Variants in HOOK3 observed in about 807,000 individuals in gnomAD.
The protein encoded by HOOK3 is hook microtubule tethering protein 3, also known as protein Hook homolog 3.
Under a neutral mutation model 116.3 loss-of-function variants are expected in HOOK3, and 24 were observed. The ratio of observed to expected loss-of-function variants is 0.21; its 90% CI spans 0.15 to 0.29. HOOK3 has a LOEUF of 0.29. HOOK3 is among the 10% of genes least tolerant of loss of function. The probability of loss-of-function intolerance (pLI) is 1.00; values close to 1 mark genes in which losing one functional copy is unlikely to be tolerated. For synonymous variants in HOOK3, 275 were observed against 283.0 expected (o/e 0.97, Z 0.28); for missense variants, 632 against 830.2 (o/e 0.76, Z 2.93).
rs1042401050 is a variant in HOOK3 at position 43,019,461 on chromosome 8, A to AT, written c.*969dup. The AT allele has an allele frequency of 3.8e-5, 8 of 208,604 alleles. No homozygotes were observed. The highest frequency in any genetic ancestry group is 3.0e-4 in the Admixed American group (5 of 16,938). 12.9% of individuals were successfully genotyped at this position (208,604 alleles called of 1,614,324 possible). On this transcript the variant is annotated 3_prime_UTR_variant, in exon 22 of 22. Transcript: ENST00000307602. ...CTTGTTCTTTAATATAAACCCTTCCATTTTTTAACAATTCCTAACACTTGA... is the reference window on the plus strand; with the variant it reads ...CTTGTTCTTTAATATAAACCCTTCCATTTTTTTAACAATTCCTAACACTTGA...
intron 3 of HOOK3, among the ~76,000 whole-genome samples, chr8:42,928,821 C>A (rs1807819293): frequency 6.6e-6 from 1 of 152,178 alleles, no homozygotes; most frequent in Non-Finnish European, 1.5e-5. Context: ...GTGGGCGAAT[C>A]ACCTGAGGTC....
rs1287772878 is a variant in HOOK3 at position 43,023,650 on chromosome 8, G to C, written c.*5152G>C. The C allele has an allele frequency of 5.7e-6, 1 of 174,670 alleles. No individual in the cohort carries two copies. The highest frequency in any genetic ancestry group is 1.2e-5 in the Non-Finnish European group (1 of 81,108). The allele number at this position is 174,670 out of a possible 1,614,324, so 10.8% of individuals were successfully genotyped here. On this transcript the variant is annotated 3_prime_UTR_variant, in exon 22 of 22. Coordinates refer to ENST00000307602, the MANE Select transcript of HOOK3 (RefSeq NM_032410.4). The stretch of plus-strand genomic sequence containing the variant: ...GTATTTTTACAAAATACAAAGAGAC[G>C]GGGTTTCACCATGTTGGCCAGGCTG...
intron 1 of HOOK3, among the ~76,000 whole-genome samples, chr8:42,903,737 G>A (rs1387863423): frequency 7.9e-3 from 1 of 126 alleles, no homozygotes; most frequent in African/African-American, 0.031. Flanking sequence ...GCGGGCGGAT[G>A]ACGAGGTCAG....
chr8:42,939,812 G>A (rs564490457), intron 4 of HOOK3, among the ~76,000 whole-genome samples: 25 of 151,204 alleles, frequency 1.7e-4, no homozygotes, highest in African/African-American at 4.6e-4. Flanking sequence ...CAGACGGGGC[G>A]GCCGGGCAGA....
intron 13 of HOOK3, among the ~76,000 whole-genome samples, chr8:42,980,642 A>G (rs1808921167): frequency 6.6e-6 from 1 of 152,130 alleles, no homozygotes; most frequent in Non-Finnish European, 1.5e-5. Flanking sequence ...TAATCCCAGC[A>G]CTTTGAAAGT....
At chr8:42,962,796 CTT>C (rs34722373) in intron 8 of HOOK3, among the ~76,000 whole-genome samples, 3 of 99,348 alleles carry the variant, frequency 3.0e-5, no homozygotes, top group Non-Finnish European at 5.7e-5. Context: ...ACTTCTTCTT[CTT>C]TTTTTTTTTT....
intron 6 of HOOK3, among the ~76,000 whole-genome samples, chr8:42,950,762 T>A (rs897307557): frequency 7.2e-5 from 11 of 152,104 alleles, no homozygotes; most frequent in African/African-American, 2.7e-4. Flanking sequence ...CTGGGCTCAC[T>A]GCAACTTCCA....
At chr8:42,969,479 G>A (rs547263302) in intron 11 of HOOK3, among the ~76,000 whole-genome samples, 3 of 152,250 alleles carry the variant, frequency 2.0e-5, no homozygotes, top group Admixed American at 6.5e-5. Context: ...CTTTAAGTTA[G>A]CTGGGCATGG....
At chr8:42,944,990 C>T (rs1808199254) in intron 5 of HOOK3, among the ~76,000 whole-genome samples, 4 of 152,096 alleles carry the variant, frequency 2.6e-5, no homozygotes, top group Admixed American at 6.6e-5. Context: ...TATATTATAT[C>T]ATTATTATTA....
intron 4 of HOOK3, among the ~76,000 whole-genome samples, chr8:42,942,029 C>A (rs1214649212): frequency 6.6e-6 from 1 of 152,140 alleles, no homozygotes; most frequent in African/African-American, 2.4e-5. Context: ...AGAGCCCAGG[C>A]AGGTGGATTA....
At chr8:42,950,162 T>TA (rs1403122715) in intron 5 of HOOK3, among the ~76,000 whole-genome samples, 1 of 152,228 alleles carries the variant, frequency 6.6e-6, no homozygotes, top group African/African-American at 2.4e-5. Context: ...CCTGTAGCTG[T>TA]AGCCTCAACT....
chr8:42,932,241 G>A (rs1001211989), intron 4 of HOOK3, among the ~76,000 whole-genome samples: 3 of 152,096 alleles, frequency 2.0e-5, no homozygotes, highest in Non-Finnish European at 2.9e-5. Context: ...TATTAGACAC[G>A]TTGACAAAAT....
At chr8:42,970,304 A>G (rs759957331) in intron 11 of HOOK3, among the ~76,000 whole-genome samples, 1 of 152,176 alleles carries the variant, frequency 6.6e-6, no homozygotes, top group Non-Finnish European at 1.5e-5. Context: ...CTCTTCCTAC[A>G]CCAATATCAC....
Position 42,906,150 on chromosome 8 carries a change from C to A in HOOK3, c.58-23C>A, listed in dbSNP as rs201879009. On this transcript the variant is annotated intron_variant, in intron 1 of 21. Coordinates refer to ENST00000307602, the MANE Select transcript of HOOK3 (RefSeq NM_032410.4). Reference sequence around the variant, plus strand: ...AGAGGTAACCACAGAATCTCTCCCCCCCCCCTCTTTTTTTCCCTTCAGATC... The same window carrying A: ...AGAGGTAACCACAGAATCTCTCCCCACCCCCTCTTTTTTTCCCTTCAGATC... The A allele has an allele frequency of 1.4e-4, 153 of 1,079,560 alleles. 6 individuals are homozygous for A. The highest frequency in any genetic ancestry group is 7.5e-4 in the Admixed American group (42 of 55,630). 66.9% of individuals were successfully genotyped at this position (1,079,560 alleles called of 1,614,324 possible). A position where few individuals can be genotyped will look rare whatever the true frequency, so the allele number is the denominator to read the frequency against.
chr8:42,994,161 G>T (rs558271548), intron 15 of HOOK3, among the ~76,000 whole-genome samples: 2 of 151,996 alleles, frequency 1.3e-5, no homozygotes, highest in East Asian at 1.9e-4. Flanking sequence ...GACTATAGGC[G>T]TGCACCACCA....
intron 17 of HOOK3, among the ~76,000 whole-genome samples, chr8:43,002,410 A>G (rs1178911703): frequency 1.3e-5 from 2 of 152,176 alleles, no homozygotes; most frequent in Non-Finnish European, 2.9e-5. Flanking sequence ...ACTCTAGATC[A>G]TGGGTCAGAC....
At chr8:42,989,585 T>C (rs1809116144) in intron 15 of HOOK3, among the ~76,000 whole-genome samples, 1 of 152,202 alleles carries the variant, frequency 6.6e-6, no homozygotes, top group African/African-American at 2.4e-5. Context: ...CTCTCAAGCA[T>C]TTATCATTTA....
intron 2 of HOOK3, among the ~76,000 whole-genome samples, chr8:42,909,375 A>C (rs1656302761): frequency 6.6e-6 from 1 of 152,248 alleles, no homozygotes; most frequent in South Asian, 2.1e-4. Context: ...CAAGGTACCC[A>C]ATTTATGGAA....
intron 10 of HOOK3, 71 bp from the exon 11 acceptor site, chr8:42,967,942 T>C: frequency 1.2e-6 from 1 of 863,108 alleles, no homozygotes; most frequent in Non-Finnish European, 1.9e-6. Flanking sequence ...CTGGCAATCC[T>C]TCTTAACACT....
Sources: allele counts gnomAD v4.1 joint callset (sites outside exome capture counted in the v4.1 genomes callset), GRCh38; gene constraint gnomAD v4.1.1; transcripts MANE v1.5; gene names NCBI Gene and HGNC (gene_info 2026-07-23, HGNC 2026-07-21).